The following PISD variants were observed in gnomAD, a reference collection of about 807,000 sequenced individuals.
The protein encoded by PISD is phosphatidylserine decarboxylase proenzyme, mitochondrial.
A neutral mutation model predicts 43.5 loss-of-function variants in PISD; 31 were observed. The ratio of observed to expected loss-of-function variants is 0.71; its 90% confidence interval spans 0.54 to 0.96. PISD has a LOEUF of 0.96. Among genes scored for constraint, PISD ranks in the 40% least tolerant of loss-of-function variants. PISD has a pLI of 0.00. For synonymous variants in PISD, 259 were observed against 228.7 expected (o/e 1.13, Z -1.20); for missense variants, 523 against 548.4 (o/e 0.95, Z 0.46).
chr22:31,662,536 T>C (rs754429404), upstream of PISD: 2 of 393,342 alleles, frequency 5.1e-6, no homozygotes, highest in Non-Finnish European at 9.8e-6. Flanking sequence ...TCGAACTTGC[T>C]CATTTTACGG....
intron 3 of PISD, among the ~76,000 whole-genome samples, chr22:31,641,913 CT>C (rs2147762077): frequency 6.6e-6 from 1 of 151,184 alleles, no homozygotes; most frequent in East Asian, 1.9e-4. Context: ...AACATGAAAC[CT>C]TGGATAAGGG....
chr22:31,623,584 C>CT, intron 3 of PISD: 1 of 1,210,032 alleles, frequency 8.3e-7, no homozygotes, highest in Non-Finnish European at 1.2e-6. Context: ...GCGGTGACCT[C>CT]TGCTTCTGAC....
chr22:31,635,642 A>G (rs2073407357), intron 3 of PISD, among the ~76,000 whole-genome samples: 2 of 152,134 alleles, frequency 1.3e-5, no homozygotes, highest in East Asian at 1.9e-4. Context: ...TTGTCCACAC[A>G]CTGACCGCTC....
chr22:31,656,695 A>G (rs1299597448), intron 1 of PISD, among the ~76,000 whole-genome samples: 1 of 152,060 alleles, frequency 6.6e-6, no homozygotes, highest in Non-Finnish European at 1.5e-5. Flanking sequence ...CAAAACAGAA[A>G]GACAAGATCC....
At chr22:31,629,666 G>C (rs1224213569) in intron 3 of PISD, 1 of 151,808 alleles carries the variant, frequency 6.6e-6, no homozygotes, top group Non-Finnish European at 1.5e-5. Context: ...AGGTGCAGGG[G>C]TGTGTGTGTG....
chr22:31,619,307 T>G lies in PISD; in HGVS notation c.*305A>C. 2.7e-6 allele frequency: 1 copy of G among 375,174 alleles called. No individual in the cohort carries two copies. Among genetic ancestry groups the G allele is most frequent in the Admixed American group, 3.9e-5 (1 of 25,808 alleles). The allele number at this position is 375,174 out of a possible 1,614,324, so 23.2% of individuals were successfully genotyped here. A position where few individuals can be genotyped will look rare whatever the true frequency, so the allele number is the denominator to read the frequency against. Reference sequence around the variant, plus strand: ...GACCAACTGAAGGTTCGGTCAGGAATGCAGGCTCTTCCGTCTATACAGTGT... The same window carrying G: ...GACCAACTGAAGGTTCGGTCAGGAAGGCAGGCTCTTCCGTCTATACAGTGT... On this transcript the variant is annotated 3_prime_UTR_variant, in exon 8 of 8. Coordinates refer to ENST00000439502, the MANE Select transcript of PISD (RefSeq NM_001326411.2).
At chr22:31,623,752 G>A (rs1230288104) in intron 3 of PISD, 1 of 1,614,202 alleles carries the variant, frequency 6.2e-7, no homozygotes, top group Admixed American at 1.7e-5. Context: ...AGGTAGTAGA[G>A]GACGGTCAAG....
At chr22:31,648,822 C>A (rs553603201) in intron 2 of PISD, among the ~76,000 whole-genome samples, 5 of 152,062 alleles carry the variant, frequency 3.3e-5, no homozygotes, top group South Asian at 4.2e-4. Context: ...TTACAATGCA[C>A]CTCAACTGCC....
intron 2 of PISD, 139 bp from the exon 3 acceptor site, chr22:31,648,415 C>G: frequency 3.0e-6 from 2 of 658,948 alleles, no homozygotes; most frequent in South Asian, 3.9e-5. Context: ...ACATGGCTCA[C>G]GCCTGTAATC....
At position 31,648,181 on chromosome 22, in the gene PISD, G is replaced by A. The variant is rs553274797; in HGVS notation, c.241C>T (p.Arg81Trp). 1.1e-4 allele frequency: 170 copies of A among 1,612,390 alleles called. 1 individual carries two copies. The highest frequency in any genetic ancestry group is 5.0e-4 in the Middle Eastern group (3 of 6,038). Residue 81 changes from arginine to tryptophan, a missense_variant, in exon 3 of 8, where the codon CGG (arginine) becomes TGG (tryptophan). Coordinates refer to ENST00000439502, the MANE Select transcript of PISD (RefSeq NM_001326411.2). Reference protein sequence around the residue: ...LVTGGGYAGYRQYEKYREREL... With the variant: ...LVTGGGYAGYWQYEKYREREL... ...CGCTCCCTGTACTTCTCATACTGCC[G>A]GTACCCTGCATACCCGCCGCCTGTC... is the stretch of plus-strand genomic sequence containing the variant.
rs1385760276 is a variant in PISD at position 31,621,446 on chromosome 22, G to T, written c.585C>A (p.Leu195=). The stretch of plus-strand genomic sequence containing the variant: ...CACAGTTCTTCACCTGCCCAAAGTT[G>T]AGGATCCTTCCATCCGATGGGCTAA... ...SVISPSDGRI[L]NFGQVKNCEV... The change falls in exon 5 of 8, where the codon CTC becomes CTA. Residue 195 remains leucine (L), a synonymous_variant. Transcript: ENST00000439502. 2 of 1,614,148 alleles carry T rather than the reference G, an allele frequency of 1.2e-6. No homozygotes were observed. Among genetic ancestry groups the T allele is most frequent in the Non-Finnish European group, 8.5e-7 (1 of 1,180,034 alleles).
In PISD at chr22:31,625,614, C is replaced by A. The variant is rs146627665; in HGVS notation, c.322-3729G>T. ...GGCTCTCCGACTCAGGGTGCTCAGG[C>A]CCCCCAGGCCAGGCTCCTCCAGCCT... On this transcript the variant is annotated intron_variant, in intron 3 of 7. Coordinates refer to ENST00000439502, the MANE Select transcript of PISD (RefSeq NM_001326411.2). The A allele has an allele frequency of 6.2e-3, 5,915 of 958,862 alleles. 419 individuals are homozygous for A. In the Admixed American group the frequency reaches 0.12, roughly 19 times the overall value. The allele number at this position is 958,862 out of a possible 1,614,324, so 59.4% of individuals were successfully genotyped here. A position where few individuals can be genotyped will look rare whatever the true frequency, so the allele number is the denominator to read the frequency against.
intron 3 of PISD, among the ~76,000 whole-genome samples, chr22:31,645,980 CA>C (rs1019902147): frequency 6.7e-5 from 10 of 149,556 alleles, no homozygotes; most frequent in Admixed American, 1.3e-4. Context: ...TTGAAAAATC[CA>C]AAAAAAAATC....
chr22:31,656,719 C>A (rs1298687807), intron 1 of PISD, among the ~76,000 whole-genome samples: 1 of 151,956 alleles, frequency 6.6e-6, no homozygotes, highest in Admixed American at 6.6e-5. Flanking sequence ...ATCTTGTCAG[C>A]CTCTCAGATC....
intron 3 of PISD, among the ~76,000 whole-genome samples, chr22:31,636,302 G>A (rs929888952): frequency 6.6e-5 from 10 of 152,050 alleles, no homozygotes; most frequent in Admixed American, 1.3e-4. Context: ...TATTCTAAAC[G>A]GAGGCTAGAA....
intron 1 of PISD, among the ~76,000 whole-genome samples, chr22:31,656,180 T>C (rs1244609082): frequency 6.6e-6 from 1 of 151,890 alleles, no homozygotes; most frequent in Non-Finnish European, 1.5e-5. Flanking sequence ...CCGTCTCTAC[T>C]AAAAATACAA....
rs2147620691 is a variant in PISD at position 31,621,341 on chromosome 22, G to C, written c.690C>G (p.Phe230Leu). Residue 230 changes from phenylalanine (F) to leucine (L), a missense_variant, in exon 5 of 8, where the codon TTC becomes TTG. By Grantham distance (22) the Phe-to-Leu change is conservative. Coordinates refer to ENST00000439502, the MANE Select transcript of PISD (RefSeq NM_001326411.2). ...GCCTGTGCAGTGACCCACCTGGTGG[G>C]AAGGGCAGGTCCTCTGTGCACATAC... Reference protein sequence around the residue: ...GPRMCTEDLPFPPAASCDSFK... With the variant: ...GPRMCTEDLPLPPAASCDSFK... The C allele has an allele frequency of 1.2e-6, 2 of 1,614,056 alleles. No individual in the cohort carries two copies. Among genetic ancestry groups the C allele is most frequent in the East Asian group, 4.5e-5 (2 of 44,878 alleles).
intron 3 of PISD, chr22:31,629,376 A>AGG (rs2073081272): frequency 5.6e-6 from 1 of 177,320 alleles, no homozygotes; most frequent in East Asian, 2.9e-4. Flanking sequence ...GGGGGTGTGT[A>AGG]GGTGTGAGTG....
At chr22:31,628,557 GC>G (rs569554486) in intron 3 of PISD, among the ~76,000 whole-genome samples, 121 of 152,336 alleles carry the variant, frequency 7.9e-4, no homozygotes, top group Middle Eastern at 3.4e-3. Flanking sequence ...TGGCCTAAGG[GC>G]CAGTCACCTG....
Sources: allele counts gnomAD v4.1 joint callset (sites outside exome capture counted in the v4.1 genomes callset), GRCh38; gene constraint gnomAD v4.1.1; transcripts MANE v1.5; gene names NCBI Gene and HGNC (gene_info 2026-07-23, HGNC 2026-07-21).